PCDHA2: variants seen among roughly 807,000 people sequenced by gnomAD.
PCDHA2 encodes the protein protocadherin alpha 2, also known as protocadherin alpha-2.
A neutral mutation model predicts 66.0 loss-of-function variants in PCDHA2; 58 were observed. The ratio of observed to expected loss-of-function variants is 0.88; its 90% CI spans 0.71 to 1.09. The LOEUF is 1.09. Among genes scored for constraint, PCDHA2 ranks in the 50% least tolerant of loss-of-function variants. The probability of loss-of-function intolerance (pLI) is 0.00; values close to 1 mark genes in which losing one functional copy is unlikely to be tolerated. For missense variants in PCDHA2, 1,267 were observed against 1,242.3 expected, an observed-to-expected ratio of 1.02 and a Z score of -0.30; for synonymous variants, 634 against 554.0, an observed-to-expected ratio of 1.14 and a Z score of -2.03.
intron 3 of PCDHA2, among the ~76,000 whole-genome samples, chr5:141,007,451 C>A (rs2098330384): frequency 6.6e-6 from 1 of 151,640 alleles, no homozygotes; most frequent in Non-Finnish European, 1.5e-5. Context: ...GCCTGTAGTC[C>A]CAGCTACTCA....
intron 1 of PCDHA2, among the ~76,000 whole-genome samples, chr5:140,921,791 A>G (rs1170709759): frequency 3.9e-5 from 6 of 152,160 alleles, no homozygotes; most frequent in Non-Finnish European, 5.9e-5. Context: ...GATGTTCTAG[A>G]TAACACAAGA....
chr5:140,875,834 T>C (rs1562703586), intron 1 of PCDHA2: 2 of 1,613,958 alleles, frequency 1.2e-6, no homozygotes, highest in Non-Finnish European at 1.7e-6. Context: ...CATGTGGACG[T>C]GGAGGTGAAG....
chr5:140,926,756 G>T, intron 1 of PCDHA2: 1 of 1,289,704 alleles, frequency 7.8e-7, no homozygotes, highest in South Asian at 2.2e-5. Context: ...GGCGGTCGCT[G>T]AGTATCCAGC....
chr5:140,859,358 A>G (rs1470133461), intron 1 of PCDHA2: 1 of 254,184 alleles, frequency 3.9e-6, no homozygotes, highest in Non-Finnish European at 7.4e-6. Context: ...CTGATCTGAT[A>G]TATTGTATAG....
At chr5:140,926,620 C>G in intron 1 of PCDHA2, 1 of 385,534 alleles carries the variant, frequency 2.6e-6, no homozygotes, top group Admixed American at 4.4e-5. Context: ...CACCCCTAGG[C>G]GGCGCTGCGC....
intron 1 of PCDHA2, among the ~76,000 whole-genome samples, chr5:140,912,002 A>T (rs1452427916): frequency 6.6e-6 from 1 of 152,236 alleles, no homozygotes; most frequent in Non-Finnish European, 1.5e-5. Flanking sequence ...ACAATAGGCC[A>T]TCTGCAAGCT....
chr5:140,982,427 G>C, intron 2 of PCDHA2, 48 bp from the exon 3 acceptor site: 1 of 1,612,412 alleles, frequency 6.2e-7, no homozygotes, highest in Non-Finnish European at 8.5e-7. Context: ...GAAGAGATGG[G>C]AAAGAATTTA....
chr5:140,836,594 C>T (rs2150264886), intron 1 of PCDHA2: 2 of 1,613,766 alleles, frequency 1.2e-6, no homozygotes, highest in African/African-American at 2.7e-5. Context: ...TGGTAAAGCC[C>T]ACTCTGGTGT....
chr5:140,969,024 C>T, intron 1 of PCDHA2: 1 of 1,614,198 alleles, frequency 6.2e-7, no homozygotes, highest in Non-Finnish European at 8.5e-7. Flanking sequence ...GAAAGGTCCC[C>T]TGCAGAACTG....
intron 1 of PCDHA2, chr5:140,805,635 A>T: frequency 2.3e-6 from 2 of 879,338 alleles, no homozygotes; most frequent in Non-Finnish European, 2.7e-6. Context: ...ATTGTGGTTT[A>T]TTTATTGGGA....
intron 1 of PCDHA2, among the ~76,000 whole-genome samples, chr5:140,965,126 A>C (rs540121719): frequency 7.9e-5 from 12 of 152,372 alleles, no homozygotes; most frequent in African/African-American, 2.6e-4. Flanking sequence ...GAAGATCTAC[A>C]GATGACAGAA....
chr5:140,927,805 C>T (rs2084654444), intron 1 of PCDHA2: 1 of 1,614,074 alleles, frequency 6.2e-7, no homozygotes, highest in South Asian at 1.1e-5. Context: ...GCCTGAAACG[C>T]TCTTGGAGGC....
chr5:140,835,221 T>G (rs2150232030), intron 1 of PCDHA2: 2 of 1,587,286 alleles, frequency 1.3e-6, no homozygotes, highest in Admixed American at 1.8e-5. Context: ...TATTATTTAC[T>G]CCTTCTCCAG....
At chr5:140,982,234 A>C (rs1039012011) in intron 2 of PCDHA2, 1 of 643,856 alleles carries the variant, frequency 1.6e-6, no homozygotes. Flanking sequence ...AAAAAACAGA[A>C]TTGCCATAAA....
chr5:140,943,346 G>C (rs2153662502), intron 1 of PCDHA2, among the ~76,000 whole-genome samples: 1 of 151,738 alleles, frequency 6.6e-6, no homozygotes, highest in East Asian at 1.9e-4. Context: ...GACAGGATGA[G>C]AGTAGAGGAA....
intron 1 of PCDHA2, chr5:140,850,154 G>C (rs2150469964): frequency 6.3e-7 from 1 of 1,595,410 alleles, no homozygotes; most frequent in Non-Finnish European, 8.6e-7. Flanking sequence ...CGCTGCAGGT[G>C]TTCGTGCTGG....
chr5:140,991,837 C>T (rs1379982421), intron 3 of PCDHA2, among the ~76,000 whole-genome samples: 3 of 152,158 alleles, frequency 2.0e-5, no homozygotes, highest in African/African-American at 7.2e-5. Context: ...ACGGCAGAAC[C>T]GCACTTCCAG....
chr5:140,968,574 T>A (rs2096256536), intron 1 of PCDHA2: 1 of 1,614,218 alleles, frequency 6.2e-7, no homozygotes, highest in Non-Finnish European at 8.5e-7. Flanking sequence ...GCTGGCTACC[T>A]GGTCACCAAA....
intron 1 of PCDHA2, chr5:140,969,054 A>G (rs782226153): frequency 6.2e-7 from 1 of 1,614,182 alleles, no homozygotes; most frequent in South Asian, 1.1e-5. Context: ...GCCAACAACA[A>G]TATTGATGCC....
Sources: allele counts gnomAD v4.1 joint callset (sites outside exome capture counted in the v4.1 genomes callset), GRCh38; gene constraint gnomAD v4.1.1; transcripts MANE v1.5; gene names NCBI Gene and HGNC (gene_info 2026-07-23, HGNC 2026-07-21).